Variants in NALCN observed in about 807,000 individuals in gnomAD.
The protein encoded by NALCN is sodium leak channel NALCN.
A neutral mutation model predicts 225.3 loss-of-function variants in NALCN; 111 were observed. The ratio of observed to expected loss-of-function variants is 0.49; its 90% CI spans 0.42 to 0.58. The LOEUF is 0.58. Ranked by LOEUF, NALCN falls within the 20% of genes least tolerant of loss-of-function variation. The pLI is 0.00. For synonymous variants in NALCN, 764 were observed against 769.0 expected, an observed-to-expected ratio of 0.99 and a Z score of 0.11; for missense variants, 1,378 against 2,202.4, an observed-to-expected ratio of 0.63 and a Z score of 7.49.
intron 7 of NALCN, among the ~76,000 whole-genome samples, chr13:101,294,499 T>G (rs2043664224): frequency 6.6e-6 from 1 of 151,946 alleles, no homozygotes; most frequent in South Asian, 2.1e-4. Context: ...TATTTTCTCT[T>G]ATTATCCTTA....
chr13:101,315,893 T>A (rs551661778), intron 7 of NALCN, among the ~76,000 whole-genome samples: 4 of 152,194 alleles, frequency 2.6e-5, no homozygotes, highest in African/African-American at 4.8e-5. Flanking sequence ...AAGCCTGTTT[T>A]TTTTGTTCCT....
chr13:101,068,257 C>G (rs896780182), intron 38 of NALCN, among the ~76,000 whole-genome samples: 2 of 152,172 alleles, frequency 1.3e-5, no homozygotes, highest in Admixed American at 6.5e-5. Flanking sequence ...AGCACAAACA[C>G]ACATTCTGTG....
chr13:101,399,284 TA>T (rs150928881), intron 1 of NALCN, 119 bp from the exon 2 acceptor site: 16,163 of 531,596 alleles, frequency 0.03, 317 homozygotes, highest in Middle Eastern at 0.099. Context: ...CCATAGTGTA[TA>T]ATAAACATAT....
chr13:101,100,367 T>C (rs1447212344), intron 27 of NALCN, among the ~76,000 whole-genome samples: 1 of 152,146 alleles, frequency 6.6e-6, no homozygotes, highest in Non-Finnish European at 1.5e-5. Context: ...TTGTCAACAG[T>C]GGGTTGACAC....
chr13:101,365,206 C>T (rs1344143088), intron 6 of NALCN, among the ~76,000 whole-genome samples: 1 of 152,132 alleles, frequency 6.6e-6, no homozygotes, highest in Admixed American at 6.6e-5. Flanking sequence ...TCATCCTCCA[C>T]CCTCAGGTAG....
chr13:101,303,799 C>T (rs922466126), intron 7 of NALCN, among the ~76,000 whole-genome samples: 2 of 152,098 alleles, frequency 1.3e-5, no homozygotes, highest in Admixed American at 6.5e-5. Context: ...AGCAATCATA[C>T]CTTTCTAGCA....
At chr13:101,389,148 C>G (rs1464202170) in intron 3 of NALCN, among the ~76,000 whole-genome samples, 1 of 152,302 alleles carries the variant, frequency 6.6e-6, no homozygotes, top group South Asian at 2.1e-4. Context: ...GTGGAAGATA[C>G]AGACAATTTT....
chr13:101,412,800 A>G (rs992336676), intron 1 of NALCN, among the ~76,000 whole-genome samples: 1 of 152,208 alleles, frequency 6.6e-6, no homozygotes. Context: ...ATTTCTCACT[A>G]TGTAAGCCCT....
chr13:101,196,587 G>T (rs533605653), intron 13 of NALCN, among the ~76,000 whole-genome samples: 1 of 152,208 alleles, frequency 6.6e-6, no homozygotes, highest in South Asian at 2.1e-4. Context: ...TATCAACGAG[G>T]TTTTCTTCTC....
At chr13:101,060,934 T>A (rs1001346915) in intron 41 of NALCN, among the ~76,000 whole-genome samples, 2 of 152,154 alleles carry the variant, frequency 1.3e-5, no homozygotes. Context: ...GGAGGTTGAG[T>A]TGTATCTTTT....
chr13:101,396,705 C>T (rs2047303222), intron 2 of NALCN, among the ~76,000 whole-genome samples: 1 of 152,034 alleles, frequency 6.6e-6, no homozygotes, highest in Non-Finnish European at 1.5e-5. Context: ...AATTTAGCCC[C>T]ATCTGGACTT....
chr13:101,127,428 G>A lies in NALCN; in HGVS notation c.2119-2747C>T, dbSNP rs779167021. On this transcript the variant is annotated intron_variant, in intron 17 of 43. Transcript: ENST00000251127. ...GGTTGGAGGGCAGTGGTGTGATCCCGGCTCACTGCAACCTCCGCCCCCTGG... is the reference window on the plus strand; with the variant it reads ...GGTTGGAGGGCAGTGGTGTGATCCCAGCTCACTGCAACCTCCGCCCCCTGG... Among the ~76,000 whole-genome samples the A allele has an allele frequency of 7.2e-5, 11 of 152,056 alleles. No individual in the cohort carries two copies. The East Asian group carries it at 7.7e-4, about 11-fold the overall frequency.
chr13:101,070,547 T>G (rs1486004503), intron 37 of NALCN, among the ~76,000 whole-genome samples: 2 of 152,230 alleles, frequency 1.3e-5, no homozygotes, highest in Non-Finnish European at 1.5e-5. Flanking sequence ...GAATGGATGT[T>G]GTGTTAGCAG....
rs1183762288 is a variant in NALCN, at chr13:101,073,570, T to C, written c.4197+14A>G. 6.2e-7 allele frequency: 1 copy of C among 1,600,256 alleles called. No individual in the cohort carries two copies. Among genetic ancestry groups the C allele is most frequent in the South Asian group, 1.1e-5 (1 of 89,648 alleles). On this transcript the variant is annotated intron_variant, in intron 37 of 43. Transcript: ENST00000251127. Reference sequence around the variant, plus strand: ...TTCTAAGTCTAAGCCTTGTTCATGATGAGAGATATTTACCATACAGTCATG... The same window carrying C: ...TTCTAAGTCTAAGCCTTGTTCATGACGAGAGATATTTACCATACAGTCATG...
chr13:101,213,508 G>A (rs1458308788), intron 13 of NALCN, among the ~76,000 whole-genome samples: 1 of 152,028 alleles, frequency 6.6e-6, no homozygotes, highest in African/African-American at 2.4e-5. Flanking sequence ...GAGTGAACAG[G>A]CAACCTACAG....
chr13:101,172,702 G>C (rs2038784212), intron 15 of NALCN, among the ~76,000 whole-genome samples: 1 of 152,092 alleles, frequency 6.6e-6, no homozygotes, highest in Non-Finnish European at 1.5e-5. Context: ...TGGGACTACA[G>C]GTGCCCGCCA....
At chr13:101,130,664 T>G (rs941077278) in intron 17 of NALCN, among the ~76,000 whole-genome samples, 3 of 152,228 alleles carry the variant, frequency 2.0e-5, no homozygotes, top group African/African-American at 4.8e-5. Flanking sequence ...ATCCTATATA[T>G]GTTACTCTAT....
At chr13:101,143,350 G>GA in intron 16 of NALCN, 129 bp from the exon 17 acceptor site, 1 of 885,308 alleles carries the variant, frequency 1.1e-6, no homozygotes, top group Middle Eastern at 3.5e-4. Context: ...ACTAGATCAT[G>GA]ACTAAAATAT....
chr13:101,346,087 C>CTCTCTCTCTCTCTCTCTCTATATATA, intron 6 of NALCN, among the ~76,000 whole-genome samples: 30 of 70,958 alleles, frequency 4.2e-4, no homozygotes, highest in Middle Eastern at 7.5e-3. Context: ...CTCTCTCTCT[C>CTCTCTCTCTCTCTCTCTCTATATATA]TATATATATA....
Sources: gnomAD v4.1 joint callset for allele counts (sites outside exome capture counted in the v4.1 genomes callset) on GRCh38, gnomAD v4.1.1 for gene constraint, MANE v1.5 for transcripts, NCBI Gene and HGNC (gene_info 2026-07-23, HGNC 2026-07-21) for gene names.